The following PKD1L1 variants were observed in gnomAD, a reference collection of about 807,000 sequenced individuals.
The protein encoded by PKD1L1 is polycystin 1 like 1, transient receptor potential channel interacting.
A neutral mutation model predicts 323.4 loss-of-function variants in PKD1L1; 236 were observed. The ratio of observed to expected loss-of-function variants is 0.73; its 90% CI spans 0.66 to 0.81. The LOEUF is 0.81. PKD1L1 is among the 40% of genes least tolerant of loss of function. PKD1L1 has a pLI of 0.00. For missense variants in PKD1L1, 3,320 were observed against 3,508.0 expected (o/e 0.95, Z 1.35); for synonymous variants, 1,344 against 1,335.0 (o/e 1.01, Z -0.15).
chr7:47,829,972 C>T (rs918524770), intron 43 of PKD1L1, 68 bp downstream of exon 43: 148 of 1,436,400 alleles, frequency 1.0e-4, no homozygotes, highest in Middle Eastern at 1.7e-4. Context: ...AATGAAGCCT[C>T]TATTTCCCCT....
intron 1 of PKD1L1, among the ~76,000 whole-genome samples, chr7:47,947,590 C>A (rs541220715): frequency 3.5e-4 from 54 of 152,362 alleles, no homozygotes; most frequent in African/African-American, 1.2e-3. Context: ...ATGAGACAGT[C>A]AACAGCAGAG....
chr7:47,888,934 T>C (rs918123896), intron 16 of PKD1L1, among the ~76,000 whole-genome samples: 3 of 152,140 alleles, frequency 2.0e-5, no homozygotes, highest in South Asian at 2.1e-4. Flanking sequence ...CTCTGGGGTG[T>C]GTGTGGTACC....
intron 13 of PKD1L1, among the ~76,000 whole-genome samples, chr7:47,900,399 G>A (rs895116539): frequency 3.9e-5 from 6 of 152,184 alleles, no homozygotes; most frequent in African/African-American, 1.4e-4. Context: ...TACACTTGCA[G>A]AACAATGTAC....
At chr7:47,883,660 G>A (rs1373264170) in intron 19 of PKD1L1, among the ~76,000 whole-genome samples, 1 of 152,174 alleles carries the variant, frequency 6.6e-6, no homozygotes, top group Non-Finnish European at 1.5e-5. Flanking sequence ...ACGACACACA[G>A]GAAGGAACAT....
chr7:47,879,359 G>A (rs1786479321), intron 21 of PKD1L1, among the ~76,000 whole-genome samples: 1 of 152,172 alleles, frequency 6.6e-6, no homozygotes, highest in Non-Finnish European at 1.5e-5. Context: ...TGGGTGCGGT[G>A]GCTTATGACT....
intron 26 of PKD1L1, among the ~76,000 whole-genome samples, chr7:47,863,918 C>T (rs1299494334): frequency 6.6e-6 from 1 of 152,102 alleles, no homozygotes; most frequent in African/African-American, 2.4e-5. Context: ...TCAGAACTCA[C>T]TTTTTAAATG....
At chr7:47,833,058 G>A in intron 41 of PKD1L1, 32 bp downstream of exon 41, 1 of 1,591,608 alleles carries the variant, frequency 6.3e-7, no homozygotes, top group African/African-American at 1.3e-5. Context: ...TGGACTGGCA[G>A]GAAGGGGGCT....
At chr7:47,780,250 C>T (rs1278573999) in intron 56 of PKD1L1, among the ~76,000 whole-genome samples, 1 of 152,176 alleles carries the variant, frequency 6.6e-6, no homozygotes, top group Non-Finnish European at 1.5e-5. Flanking sequence ...TGCACCTAAG[C>T]CTTCTTCCTT....
At chr7:47,810,793 T>G (rs1444787982) in intron 50 of PKD1L1, among the ~76,000 whole-genome samples, 1 of 152,270 alleles carries the variant, frequency 6.6e-6, no homozygotes, top group Non-Finnish European at 1.5e-5. Flanking sequence ...TGAAGCTATG[T>G]GGACATATTC....
chr7:47,936,751 C>T (rs1219623822), intron 4 of PKD1L1, 95 bp downstream of exon 4: 5 of 962,432 alleles, frequency 5.2e-6, no homozygotes, highest in African/African-American at 1.7e-5. Flanking sequence ...CATGTAGGAA[C>T]AAGCATCGAC....
chr7:47,819,540 G>A lies in PKD1L1; in HGVS notation c.6965+1536C>T, dbSNP rs768353593. On this transcript the variant is annotated intron_variant, in intron 46 of 56. Transcript: ENST00000289672. ...ACTGGCACAGGCTGTGCACTTGCAC[G>A]GATAGGAGAGCTGAAAAGTTGGTCA... 1.2e-5 allele frequency: 16 copies of A among 1,360,900 alleles called. No homozygotes were observed. In the East Asian group the frequency reaches 3.2e-4, roughly 28 times the overall value. The allele number at this position is 1,360,900 out of a possible 1,614,324, so 84.3% of individuals were successfully genotyped here.
In PKD1L1 at chr7:47,902,399, T is replaced by A. The variant is rs202215999; in HGVS notation, c.2044A>T (p.Met682Leu). 8 of 1,614,050 alleles carry A rather than the reference T, an allele frequency of 5.0e-6. No homozygotes were observed. Among genetic ancestry groups the A allele is most frequent in the Admixed American group, 1.7e-5 (1 of 59,994 alleles). ...EPCQPPLVKN[M>L]GPGKVQIWRS... ...CCTACCTGGACTTTCCCAGGCCCCA[T>A]GTTCTTCACCAGGGGTGGCTGGCAG... Residue 682 changes from methionine (M) to leucine (L), a missense_variant, in exon 13 of 57, where the codon ATG becomes TTG. By Grantham distance (15) the Met-to-Leu change is conservative. Coordinates refer to ENST00000289672, the MANE Select transcript of PKD1L1 (RefSeq NM_138295.5).
At chr7:47,790,493 G>A (rs1786917268) in intron 56 of PKD1L1, among the ~76,000 whole-genome samples, 1 of 151,396 alleles carries the variant, frequency 6.6e-6, no homozygotes, top group Non-Finnish European at 1.5e-5. Flanking sequence ...ACCATACTCG[G>A]CTAATTTTTT....
At chr7:47,842,542 G>A (rs1785583211) in intron 34 of PKD1L1, among the ~76,000 whole-genome samples, 1 of 152,070 alleles carries the variant, frequency 6.6e-6, no homozygotes. Context: ...GCTCCACTGG[G>A]CCCAGTGCTA....
the PKD1L1 span, among the ~76,000 whole-genome samples, chr7:47,955,548 A>G: frequency 5.9e-5 from 9 of 152,346 alleles, no homozygotes; most frequent in East Asian, 1.9e-4. Flanking sequence ...TTTTTTAACT[A>G]TAAGTCATAC....
rs150206836 is a variant in PKD1L1, at chr7:47,800,710, C to T, written c.8132G>A (p.Arg2711Gln). ...GATCCCAAAGTAACAAGCCATGGCC[C>T]GCTGGTCAGACTTGGAAAGGCCAAG... ...CLLGLSKSDQ[R>Q]AMACYFGILL... Residue 2711 changes from arginine (R) to glutamine (Q), a missense_variant, in exon 54 of 57, where the codon CGG becomes CAG. Coordinates refer to ENST00000289672, the MANE Select transcript of PKD1L1 (RefSeq NM_138295.5). 3.1e-4 allele frequency: 497 copies of T among 1,614,172 alleles called. No homozygotes were observed. In the Middle Eastern group the frequency reaches 4.9e-3, roughly 16 times the overall value.
chr7:47,865,676 C>G (rs1786151793), intron 25 of PKD1L1, among the ~76,000 whole-genome samples: 1 of 151,718 alleles, frequency 6.6e-6, no homozygotes, highest in Admixed American at 6.6e-5. Context: ...AGCTCTGCCT[C>G]CCGGGTTCAT....
At chr7:47,873,815 G>A (rs947097062) in intron 24 of PKD1L1, 84 bp downstream of exon 24, 23 of 992,846 alleles carry the variant, frequency 2.3e-5, no homozygotes, top group Middle Eastern at 2.3e-4. Flanking sequence ...TGTTTTTGAC[G>A]CTTGTTAACA....
intron 56 of PKD1L1, among the ~76,000 whole-genome samples, chr7:47,779,107 C>T (rs774453341): frequency 6.6e-6 from 1 of 152,174 alleles, no homozygotes; most frequent in South Asian, 2.1e-4. Flanking sequence ...GTGCCCTGCC[C>T]AGTGCCACAG....
Sources: gnomAD v4.1 joint callset for allele counts (sites outside exome capture counted in the v4.1 genomes callset) on GRCh38, gnomAD v4.1.1 for gene constraint, MANE v1.5 for transcripts, NCBI Gene and HGNC (gene_info 2026-07-23, HGNC 2026-07-21) for gene names.